Variants in PRPF38A observed in about 807,000 individuals in gnomAD.
PRPF38A encodes the protein pre-mRNA-splicing factor 38A.
In PRPF38A, 11 loss-of-function variants were observed where a neutral mutation model predicts 46.8. The ratio of observed to expected loss-of-function variants is 0.24; its 90% CI spans 0.15 to 0.39. The LOEUF (loss-of-function observed/expected upper bound fraction) is 0.39, where lower values mean the gene tolerates loss of function less well. PRPF38A is among the 10% of genes least tolerant of loss of function. The probability of loss-of-function intolerance (pLI) is 1.00; values close to 1 mark genes in which losing one functional copy is unlikely to be tolerated. For synonymous variants in PRPF38A, 124 were observed against 136.2 expected, an observed-to-expected ratio of 0.91 and a Z score of 0.62; for missense variants, 261 against 407.5, an observed-to-expected ratio of 0.64 and a Z score of 3.10.
chr1:52,419,344 G>GA lies in PRPF38A; in HGVS notation c.*2657dup, dbSNP rs1557595775. 1 of 142,046 alleles carries GA rather than the reference G, an allele frequency of 7.0e-6. No homozygotes were observed. The highest frequency in any genetic ancestry group is 2.0e-4 in the East Asian group (1 of 5,018). The allele number at this position is 142,046 out of a possible 1,614,324, so 8.8% of individuals were successfully genotyped here. ...GCACTTCAGCCTGGGCAAAAAGAGC[G>GA]AAACTCCATCTCAAAAAAAAAAAAA... On this transcript the variant is annotated 3_prime_UTR_variant, in exon 10 of 10. Transcript: ENST00000257181.
intron 2 of PRPF38A, chr1:52,408,266 C>T: frequency 2.2e-6 from 1 of 448,188 alleles, no homozygotes; most frequent in South Asian, 1.8e-5. Flanking sequence ...TTCAGTATTT[C>T]TTTTGATTCT....
rs1190422654 is a variant in PRPF38A at position 52,420,022 on chromosome 1, G to C, written c.*3332G>C. On this transcript the variant is annotated 3_prime_UTR_variant, in exon 10 of 10. Coordinates refer to ENST00000257181, the MANE Select transcript of PRPF38A (RefSeq NM_032864.4). ...CCATTGCACTCCAGCCTGGGCAACA[G>C]AGTGAGACTCCGTCTCAAAAAGAAA... 2 of 152,402 alleles carry C rather than the reference G, an allele frequency of 1.3e-5. No individual in the cohort carries two copies. The highest frequency in any genetic ancestry group is 4.8e-5 in the African/African-American group (2 of 41,462). 9.4% of individuals were successfully genotyped at this position (152,402 alleles called of 1,614,324 possible). A position where few individuals can be genotyped will look rare whatever the true frequency, so the allele number is the denominator to read the frequency against.
chr1:52,414,263 A>G (rs1648229782), intron 6 of PRPF38A, among the ~76,000 whole-genome samples: 1 of 152,096 alleles, frequency 6.6e-6, no homozygotes, highest in Admixed American at 6.6e-5. Context: ...ACTGGCTGGT[A>G]TGGAATTGCC....
rs1167466411 is a variant in PRPF38A, at chr1:52,412,581, A to G, written c.566A>G (p.Asp189Gly). 1 of 1,613,690 alleles carries G rather than the reference A, an allele frequency of 6.2e-7. No individual in the cohort carries two copies. Among genetic ancestry groups the G allele is most frequent in the African/African-American group, 1.3e-5 (1 of 74,910 alleles). ...PRVSALEEDM[D>G]DVESSEEEEE... ...GTTAGTGCTCTGGAAGAGGACATGG[A>G]TGATGTGGAGTCCAGTGAAGAGGAA... Residue 189 changes from aspartate to glycine, a missense_variant, in exon 5 of 10, where the codon GAT (aspartate) becomes GGT (glycine). Physicochemically the swap from Asp to Gly is moderately conservative, Grantham distance 94 (BLOSUM62 -1). Transcript: ENST00000257181.
At position 52,419,415 on chromosome 1, in the gene PRPF38A, A is replaced by C. The variant is rs918699818; in HGVS notation, c.*2725A>C. 2 of 151,962 alleles carry C rather than the reference A, an allele frequency of 1.3e-5. No homozygotes were observed. The highest frequency in any genetic ancestry group is 4.8e-5 in the African/African-American group (2 of 41,384). 9.4% of individuals were successfully genotyped at this position (151,962 alleles called of 1,614,324 possible). On this transcript the variant is annotated 3_prime_UTR_variant, in exon 10 of 10. Transcript: ENST00000257181. ...TTGGTGAGAGGGTTCCAATATTAAC[A>C]ACCCAACTTCAAGCTCATTCCTCTA...
chr1:52,415,585 G>C (rs1648266766), intron 9 of PRPF38A, among the ~76,000 whole-genome samples, 199 bp downstream of exon 9: 1 of 152,122 alleles, frequency 6.6e-6, no homozygotes, highest in Non-Finnish European at 1.5e-5. Context: ...TTTCGTGCTT[G>C]TCTCCCAAGC....
intron 5 of PRPF38A, among the ~76,000 whole-genome samples, chr1:52,413,349 T>C (rs573432180): frequency 2.0e-5 from 3 of 152,256 alleles, no homozygotes; most frequent in African/African-American, 7.2e-5. Flanking sequence ...GTTCTTTCAG[T>C]ACTAGTTACG....
At position 52,417,842 on chromosome 1, in the gene PRPF38A, CAGG is replaced by C. The variant is rs1322128821; in HGVS notation, c.*1155_*1157del. On this transcript the variant is annotated 3_prime_UTR_variant, in exon 10 of 10. Transcript: ENST00000257181. ...AACTGGAATGGCCCATTCAGAAAGACAGGAGAATTAGGAGAGAGTGAGTGAAAG... is the reference window on the plus strand; with the variant it reads ...AACTGGAATGGCCCATTCAGAAAGACAGAATTAGGAGAGAGTGAGTGAAAG... 2 of 152,272 alleles carry C rather than the reference CAGG, an allele frequency of 1.3e-5. No homozygotes were observed. The highest frequency in any genetic ancestry group is 2.1e-4 in the South Asian group (1 of 4,820). The allele number at this position is 152,272 out of a possible 1,614,324, so 9.4% of individuals were successfully genotyped here.
chr1:52,413,197 A>G (rs1451774998), intron 5 of PRPF38A, among the ~76,000 whole-genome samples: 1 of 152,208 alleles, frequency 6.6e-6, no homozygotes, highest in Non-Finnish European at 1.5e-5. Context: ...TAAAGCCCTT[A>G]GCAGAGTATT....
At chr1:52,406,944 T>C (rs1648013141) in intron 2 of PRPF38A, among the ~76,000 whole-genome samples, 1 of 152,246 alleles carries the variant, frequency 6.6e-6, no homozygotes, top group African/African-American at 2.4e-5. Context: ...ACAAAGAAAC[T>C]ATGACTTTCA....
At position 52,404,675 on chromosome 1, in the gene PRPF38A, C is replaced by T. The variant is rs1341718980; in HGVS notation, c.-75C>T. On this transcript the variant is annotated 5_prime_UTR_variant, in exon 1 of 10. Coordinates refer to ENST00000257181, the MANE Select transcript of PRPF38A (RefSeq NM_032864.4). ...AAACTTCTTCCACCTTTCTCCATTC[C>T]TCTAGGTGCTTTTTCTGAACCTGGA... The T allele has an allele frequency of 2.6e-6, 4 of 1,520,748 alleles. No homozygotes were observed. The highest frequency in any genetic ancestry group is 3.6e-6 in the Non-Finnish European group (4 of 1,119,700). The allele number at this position is 1,520,748 out of a possible 1,614,324, so 94.2% of individuals were successfully genotyped here.
At chr1:52,412,193 C>T (rs1448704422) in intron 4 of PRPF38A, among the ~76,000 whole-genome samples, 1 of 152,124 alleles carries the variant, frequency 6.6e-6, no homozygotes, top group Non-Finnish European at 1.5e-5. Context: ...CTTATTAGCC[C>T]TTGGATTTTC....
chr1:52,408,477 C>G, intron 2 of PRPF38A, 92 bp from the exon 3 acceptor site: 1 of 1,542,198 alleles, frequency 6.5e-7, no homozygotes, highest in Non-Finnish European at 9.0e-7. Context: ...AAGAGAAGAA[C>G]ATGTTTATCC....
chr1:52,412,662 A>G (rs771674471), intron 5 of PRPF38A, 38 bp downstream of exon 5: 2 of 1,316,724 alleles, frequency 1.5e-6, no homozygotes, highest in Admixed American at 2.0e-5. Flanking sequence ...TAGGGGAGGG[A>G]GTAATAGAAA....
chr1:52,408,967 C>T, intron 3 of PRPF38A: 1 of 265,328 alleles, frequency 3.8e-6, no homozygotes, highest in South Asian at 6.9e-5. Flanking sequence ...ACATGTGCTC[C>T]ATCCCAAAAG....
chr1:52,408,793 T>C, intron 3 of PRPF38A, 103 bp downstream of exon 3: 1 of 1,355,500 alleles, frequency 7.4e-7, no homozygotes, highest in Non-Finnish European at 1.0e-6. Context: ...ATGCTCCTTT[T>C]CATCTACATT....
chr1:52,407,890 A>G (rs994129291), intron 2 of PRPF38A, among the ~76,000 whole-genome samples: 9 of 152,214 alleles, frequency 5.9e-5, no homozygotes, highest in African/African-American at 1.9e-4. Flanking sequence ...ACCGGTCCCT[A>G]CTAAAAATAC....
At position 52,414,923 on chromosome 1, in the gene PRPF38A, C is replaced by T. The variant is rs1557593962; in HGVS notation, c.847+64C>T. ...AAAGAAATGTAAAAGGAGTAGTTAG[C>T]CTCCTGCAGTACAGGAGTGCCTGAC... is the stretch of plus-strand genomic sequence containing the variant. On this transcript the variant is annotated intron_variant, in intron 8 of 9. Coordinates refer to ENST00000257181, the MANE Select transcript of PRPF38A (RefSeq NM_032864.4). The T allele has an allele frequency of 2.7e-6, 4 of 1,463,800 alleles. No individual in the cohort carries two copies. In the East Asian group the frequency reaches 9.1e-5, roughly 33 times the overall value. 90.7% of individuals were successfully genotyped at this position (1,463,800 alleles called of 1,614,324 possible).
At chr1:52,414,083 G>C (rs573480333) in intron 6 of PRPF38A, 92 bp downstream of exon 6, 3 of 764,218 alleles carry the variant, frequency 3.9e-6, no homozygotes, top group Middle Eastern at 2.3e-4. Context: ...CACGTCTATG[G>C]AGAATGTTTG....
Sources: gnomAD v4.1 joint callset for allele counts (sites outside exome capture counted in the v4.1 genomes callset) on GRCh38, gnomAD v4.1.1 for gene constraint, MANE v1.5 for transcripts, NCBI Gene and HGNC (gene_info 2026-07-23, HGNC 2026-07-21) for gene names.